The following ECHDC1 variants were observed in gnomAD, a reference collection of about 807,000 sequenced individuals.
The protein encoded by ECHDC1 is ethylmalonyl-CoA decarboxylase.
In ECHDC1, 29 loss-of-function variants were observed where a neutral mutation model predicts 29.7. That is an observed-to-expected ratio of 0.98 (90% CI 0.73 to 1.33). ECHDC1 has a LOEUF of 1.33. Among genes scored for constraint, ECHDC1 ranks in the 40% most tolerant of loss-of-function variants. The pLI is 0.00. For synonymous variants in ECHDC1, 126 were observed against 123.1 expected, an observed-to-expected ratio of 1.02 and a Z score of -0.15; for missense variants, 328 against 350.0, an observed-to-expected ratio of 0.94 and a Z score of 0.50.
In ECHDC1 at chr6:127,316,470, G is replaced by A; in HGVS notation, c.396C>T (p.Asn132=). 1 of 1,606,502 alleles carries A rather than the reference G, an allele frequency of 6.2e-7. No homozygotes were observed. Among genetic ancestry groups the A allele is most frequent in the South Asian group, 1.1e-5 (1 of 89,180 alleles). ...DGMAVCMFMQ[N]TLTRFMRLPL... is the part of the protein sequence containing the mutation. ...ATTACCTCATAAATCTTGTTAAGGT[G>A]TTTTGCATGAACATGCATACGGCCA... Residue 132 remains asparagine, a synonymous_variant, in exon 4 of 6, where the codon AAC becomes AAT. Coordinates refer to ENST00000454859, the MANE Select transcript of ECHDC1 (RefSeq NM_001002030.2).
At chr6:127,326,484 A>G (rs779214323) in intron 3 of ECHDC1, 33 of 445,688 alleles carry the variant, frequency 7.4e-5, no homozygotes, top group African/African-American at 5.2e-4. Context: ...TAGTAGCAAT[A>G]AATCTATGTA....
intron 2 of ECHDC1, among the ~76,000 whole-genome samples, chr6:127,328,854 T>G (rs538157094): frequency 9.2e-5 from 14 of 151,878 alleles, no homozygotes; most frequent in East Asian, 1.9e-4. Context: ...GTGAAACCCC[T>G]TCTCTACTAA....
intron 5 of ECHDC1, among the ~76,000 whole-genome samples, chr6:127,306,988 A>G (rs1412123730): frequency 3.9e-5 from 6 of 152,218 alleles, no homozygotes; most frequent in East Asian, 1.9e-4. Context: ...TGTGATCACA[A>G]TGGAAACTAC....
chr6:127,317,549 TA>T (rs142290883), intron 3 of ECHDC1, among the ~76,000 whole-genome samples: 2,445 of 152,072 alleles, frequency 0.016, 44 homozygotes, highest in Middle Eastern at 0.054. Flanking sequence ...AATGAGAAAT[TA>T]AAAAAAATTG....
intron 1 of ECHDC1, among the ~76,000 whole-genome samples, chr6:127,336,162 T>C (rs1784406686): frequency 6.6e-6 from 1 of 152,106 alleles, no homozygotes; most frequent in Non-Finnish European, 1.5e-5. Context: ...AATGAAAGTT[T>C]ATATCACAGA....
chr6:127,339,681 G>A (rs1489644389), intron 1 of ECHDC1, among the ~76,000 whole-genome samples: 2 of 150,128 alleles, frequency 1.3e-5, no homozygotes, highest in Non-Finnish European at 3.0e-5. Flanking sequence ...GCTGAGGCAG[G>A]AGAATAACTT....
At chr6:127,292,895 ACTTG>A (rs1225347426) in intron 5 of ECHDC1, among the ~76,000 whole-genome samples, 26 of 152,164 alleles carry the variant, frequency 1.7e-4, no homozygotes, top group African/African-American at 5.3e-4. Flanking sequence ...ACCATATTAA[ACTTG>A]CTTATTTTGA....
chr6:127,316,411 T>A lies in ECHDC1; in HGVS notation c.416+39A>T, dbSNP rs763643312. On this transcript the variant is annotated intron_variant, in intron 4 of 5. Coordinates refer to ENST00000454859, the MANE Select transcript of ECHDC1 (RefSeq NM_001002030.2). ...TGGAATAGCAAAAAGCTATTTTTGG[T>A]CTTTTAGAAATCATATTTTAAAAAG... The A allele has an allele frequency of 2.0e-5, 31 of 1,540,962 alleles. No individual in the cohort carries two copies. The East Asian group carries it at 7.0e-4, about 35-fold the overall frequency.
chr6:127,309,483 ACACACAC>A (rs1781712945), intron 5 of ECHDC1, among the ~76,000 whole-genome samples: 2 of 228 alleles, frequency 8.8e-3, no homozygotes, highest in Non-Finnish European at 0.013. Flanking sequence ...ACAACAAAAC[ACACACAC>A]ACACACACAC....
At position 127,330,850 on chromosome 6, in the gene ECHDC1, A is replaced by G; in HGVS notation, c.179T>C (p.Ile60Thr). Residue 60 changes from isoleucine to threonine, a missense_variant, in exon 2 of 6, where the codon ATT becomes ACT. Ile to Thr is a moderately conservative substitution (Grantham distance 89). Coordinates refer to ENST00000454859, the MANE Select transcript of ECHDC1 (RefSeq NM_001002030.2). ...DLQKEDNGIG[I>T]LTLNNPSRMN... ...TCTACTTGGATTGTTCAGAGTAAGA[A>G]TGCCAATGCCATTGTCTTCCTTCTG... 1 of 1,614,144 alleles carries G rather than the reference A, an allele frequency of 6.2e-7. No homozygotes were observed. Among genetic ancestry groups the G allele is most frequent in the Non-Finnish European group, 8.5e-7 (1 of 1,180,002 alleles).
At chr6:127,335,956 G>C (rs1315262401) in intron 1 of ECHDC1, among the ~76,000 whole-genome samples, 1 of 151,992 alleles carries the variant, frequency 6.6e-6, no homozygotes, top group Admixed American at 6.6e-5. Flanking sequence ...TGATTCTATG[G>C]TATTAACAGA....
chr6:127,330,099 T>C (rs1474414188), intron 2 of ECHDC1, among the ~76,000 whole-genome samples: 1 of 152,212 alleles, frequency 6.6e-6, no homozygotes, highest in Non-Finnish European at 1.5e-5. Context: ...TAAAATCAAC[T>C]TGAAAATAGG....
rs1184391180 is a variant in ECHDC1, at chr6:127,317,002, C to T, written c.364-500G>A. Reference sequence around the variant, plus strand: ...TCATTGCCTTGTCTTTTTTTTAGCTCACATACTTTCTTCAATCCAGTGTAA... The same window carrying T: ...TCATTGCCTTGTCTTTTTTTTAGCTTACATACTTTCTTCAATCCAGTGTAA... On this transcript the variant is annotated intron_variant, in intron 3 of 5. Coordinates refer to ENST00000454859, the MANE Select transcript of ECHDC1 (RefSeq NM_001002030.2). 2.0e-5 allele frequency among the ~76,000 whole-genome samples: 3 copies of T among 151,948 alleles called. No individual in the cohort carries two copies. The East Asian group carries it at 5.8e-4, about 29-fold the overall frequency.
intron 1 of ECHDC1, among the ~76,000 whole-genome samples, chr6:127,335,306 CAACT>C (rs1055961848): frequency 9.0e-4 from 137 of 152,072 alleles, no homozygotes; most frequent in African/African-American, 3.2e-3. Context: ...AAAACTTTAC[CAACT>C]AAGGTGGCTT....
intron 1 of ECHDC1, among the ~76,000 whole-genome samples, chr6:127,337,197 T>C (rs952332867): frequency 2.6e-5 from 4 of 152,230 alleles, no homozygotes; most frequent in East Asian, 1.9e-4. Flanking sequence ...AAGTTTCTTG[T>C]GGGAAAAATC....
chr6:127,317,700 G>C (rs149214614), intron 3 of ECHDC1, among the ~76,000 whole-genome samples: 2 of 152,232 alleles, frequency 1.3e-5, no homozygotes, highest in African/African-American at 4.8e-5. Flanking sequence ...CAGATTTTTG[G>C]TACTATGTTT....
At chr6:127,342,478 G>GGATC in intron 1 of ECHDC1, 1 of 1,228,176 alleles carries the variant, frequency 8.1e-7, no homozygotes, top group Non-Finnish European at 1.1e-6. Flanking sequence ...AATCAAGAAA[G>GGATC]GATCGCCCGT....
chr6:127,340,668 CA>C (rs1364177683), intron 1 of ECHDC1, among the ~76,000 whole-genome samples: 3 of 152,014 alleles, frequency 2.0e-5, no homozygotes, highest in Admixed American at 2.0e-4. Flanking sequence ...GCAGAGGCCC[CA>C]ATTTCCACCT....
chr6:127,313,584 G>A (rs1198533084), intron 5 of ECHDC1: 2 of 455,996 alleles, frequency 4.4e-6, no homozygotes, highest in Admixed American at 4.7e-5. Context: ...TCTCTTCAGT[G>A]TCTGAAACTG....
Sources: gnomAD v4.1 joint callset for allele counts (sites outside exome capture counted in the v4.1 genomes callset) on GRCh38, gnomAD v4.1.1 for gene constraint, MANE v1.5 for transcripts, NCBI Gene and HGNC (gene_info 2026-07-23, HGNC 2026-07-21) for gene names.